LCOR: variants seen among roughly 807,000 people sequenced by gnomAD.
The protein encoded by LCOR is ligand-dependent corepressor.
Under a neutral mutation model 64.4 loss-of-function variants are expected in LCOR, and 14 were observed. That is an observed-to-expected ratio of 0.22 (90% CI 0.14 to 0.34). The LOEUF is 0.34. Ranked by LOEUF, LCOR falls within the 10% of genes least tolerant of loss-of-function variation. The pLI, the probability that LCOR is intolerant of heterozygous loss-of-function variation, is 1.00. For missense variants in LCOR, 1,686 were observed against 1,765.3 expected, an observed-to-expected ratio of 0.96 and a Z score of 0.80; for synonymous variants, 643 against 642.5, an observed-to-expected ratio of 1.00 and a Z score of -0.01.
At chr10:96,896,989 T>A (rs1846548052) in intron 2 of LCOR, among the ~76,000 whole-genome samples, 2 of 150,152 alleles carry the variant, frequency 1.3e-5, no homozygotes, top group African/African-American at 4.9e-5. Flanking sequence ...TTACCTAAAG[T>A]GAAGGAAATC....
At chr10:96,851,878 A>G (rs1589605466) in intron 2 of LCOR, among the ~76,000 whole-genome samples, 1 of 152,178 alleles carries the variant, frequency 6.6e-6, no homozygotes, top group Admixed American at 6.5e-5. Context: ...TACCCCAAAC[A>G]CATTATTTTC....
At chr10:96,957,139 A>G in intron 7 of LCOR, 1 of 985,010 alleles carries the variant, frequency 1.0e-6, no homozygotes, top group Non-Finnish European at 1.2e-6. Flanking sequence ...TCCAAATACT[A>G]GTAGAAGGGG....
chr10:96,852,282 T>A lies in LCOR; in HGVS notation c.-330+18803T>A, dbSNP rs558794643. On this transcript the variant is annotated intron_variant, in intron 2 of 7. Coordinates refer to ENST00000421806, the MANE Select transcript of LCOR (RefSeq NM_001346516.2). ...AAATTTTTAAAAGAAATTAGCCCAGTCTGGTGGCGCATGCCTGTAGTCCCA... is the reference window on the plus strand; with the variant it reads ...AAATTTTTAAAAGAAATTAGCCCAGACTGGTGGCGCATGCCTGTAGTCCCA... Among the ~76,000 whole-genome samples the A allele has an allele frequency of 8.6e-5, 13 of 152,002 alleles. No homozygotes were observed. In the South Asian group the frequency reaches 2.7e-3, roughly 32 times the overall value.
At chr10:96,912,763 C>T (rs987645587) in intron 4 of LCOR, among the ~76,000 whole-genome samples, 6 of 151,912 alleles carry the variant, frequency 3.9e-5, no homozygotes, top group African/African-American at 7.3e-5. Context: ...ATTTTAGCAT[C>T]CATTGATGAA....
chr10:96,981,717 C>T lies in LCOR; in HGVS notation c.1257C>T (p.Ser419=). ...HPSDKGQFDH[S]KDGWLGPGPM... ...GTGATAAGGGCCAGTTTGATCATTC[C>T]AAAGATGGTTGGTTAGGCCCCGGCC... The change falls in exon 8 of 8, where the codon TCC becomes TCT. Residue 419 remains serine, a synonymous_variant. Transcript: ENST00000421806. 21 of 1,614,154 alleles carry T rather than the reference C, an allele frequency of 1.3e-5. No individual in the cohort carries two copies. Among genetic ancestry groups the T allele is most frequent in the Non-Finnish European group, 1.8e-5 (21 of 1,180,030 alleles).
At chr10:96,841,361 A>C (rs1395832711) in intron 2 of LCOR, among the ~76,000 whole-genome samples, 2 of 134,396 alleles carry the variant, frequency 1.5e-5, no homozygotes, top group Admixed American at 7.2e-5. Context: ...GAAAACTTAC[A>C]CTTTTTTTTT....
chr10:96,905,553 T>C (rs1564621259), intron 2 of LCOR, among the ~76,000 whole-genome samples: 1 of 152,166 alleles, frequency 6.6e-6, no homozygotes, highest in African/African-American at 2.4e-5. Context: ...AAATAGGCAG[T>C]ATCTAGCATT....
intron 4 of LCOR, among the ~76,000 whole-genome samples, chr10:96,932,198 AAATC>A (rs1356899737): frequency 6.6e-6 from 1 of 152,206 alleles, no homozygotes; most frequent in Non-Finnish European, 1.5e-5. Context: ...TTTGAAAAAT[AAATC>A]AATAAATGAA....
intron 5 of LCOR, among the ~76,000 whole-genome samples, chr10:96,946,825 C>G (rs1168714746): frequency 6.6e-6 from 1 of 152,088 alleles, no homozygotes; most frequent in African/African-American, 2.4e-5. Flanking sequence ...ATCTTTGACT[C>G]TTCACAGAGC....
rs777126055 is a variant in LCOR at position 96,993,251 on chromosome 10, G to GA, written c.*8119dup. The GA allele has an allele frequency of 3.9e-5, 6 of 152,310 alleles. 1 individual carries two copies. In the Middle Eastern group the frequency reaches 0.01, roughly 259 times the overall value. 9.4% of individuals were successfully genotyped at this position (152,310 alleles called of 1,614,324 possible). A position where few individuals can be genotyped will look rare whatever the true frequency, so the allele number is the denominator to read the frequency against. ...CACGCAGGGGTTTTGTCATCCATTT[G>GA]AACCATAATTTGCATATTTTCTTAC... On this transcript the variant is annotated 3_prime_UTR_variant, in exon 8 of 8. Coordinates refer to ENST00000421806, the MANE Select transcript of LCOR (RefSeq NM_001346516.2).
chr10:96,881,975 T>C (rs1448300419), intron 2 of LCOR, among the ~76,000 whole-genome samples: 1 of 152,248 alleles, frequency 6.6e-6, no homozygotes, highest in Non-Finnish European at 1.5e-5. Context: ...TCTGTCTTCT[T>C]CTAGCTTCCT....
intron 2 of LCOR, among the ~76,000 whole-genome samples, chr10:96,843,969 T>G (rs766433120): frequency 6.6e-6 from 1 of 152,202 alleles, no homozygotes; most frequent in Non-Finnish European, 1.5e-5. Context: ...AACATCTGTT[T>G]TACAGGCGGG....
chr10:96,891,209 T>C (rs1846433425), intron 2 of LCOR, among the ~76,000 whole-genome samples: 1 of 152,106 alleles, frequency 6.6e-6, no homozygotes, highest in Non-Finnish European at 1.5e-5. Context: ...TTGTTATAGG[T>C]CTTTTCAGTT....
chr10:96,958,623 T>C (rs1847821405), intron 7 of LCOR: 1 of 594,322 alleles, frequency 1.7e-6, no homozygotes, highest in African/African-American at 1.9e-5. Context: ...GACCTGAAGA[T>C]TGTAATATTC....
At chr10:96,954,893 C>G in intron 7 of LCOR, 2 of 1,394,270 alleles carry the variant, frequency 1.4e-6, no homozygotes, top group Non-Finnish European at 2.0e-6. Context: ...GTGGTCCCCT[C>G]ACCCATCCCT....
In LCOR at chr10:96,958,633, C is replaced by G. The variant is rs1589683417; in HGVS notation, c.332+6437C>G. The G allele has an allele frequency of 3.1e-5, 18 of 581,256 alleles. 1 individual carries two copies. The East Asian group carries it at 5.0e-4, about 16-fold the overall frequency. The allele number at this position is 581,256 out of a possible 1,614,324, so 36.0% of individuals were successfully genotyped here. On this transcript the variant is annotated intron_variant, in intron 7 of 7. Transcript: ENST00000421806. ...CCTGAGACCTGAAGATTGTAATATTCATGTCTGTGAAGCTTTTAAACATTA... is the reference window on the plus strand; with the variant it reads ...CCTGAGACCTGAAGATTGTAATATTGATGTCTGTGAAGCTTTTAAACATTA...
intron 4 of LCOR, among the ~76,000 whole-genome samples, chr10:96,911,689 A>G (rs557093045): frequency 5.3e-4 from 81 of 152,278 alleles, no homozygotes; most frequent in African/African-American, 1.7e-3. Context: ...AATTCTAGCT[A>G]TGTTAGGAAT....
chr10:96,920,587 T>C (rs1847044942), intron 4 of LCOR, among the ~76,000 whole-genome samples: 1 of 147,726 alleles, frequency 6.8e-6, no homozygotes, highest in Non-Finnish European at 1.5e-5. Flanking sequence ...CATATATATG[T>C]GTATATATGT....
rs1845620032 is a variant in LCOR, at chr10:96,845,801, A to G, written c.-330+12322A>G. Among the ~76,000 whole-genome samples the G allele has an allele frequency of 2.0e-5, 3 of 151,966 alleles. No homozygotes were observed. In the South Asian group the frequency reaches 6.2e-4, roughly 32 times the overall value. On this transcript the variant is annotated intron_variant, in intron 2 of 7. Transcript: ENST00000421806. ...TTATCTGATTACAGTAAAATACTGT[A>G]ATTATGGGTGAGCATCAAGAAGTCC...
Sources: gnomAD v4.1 joint callset for allele counts (sites outside exome capture counted in the v4.1 genomes callset) on GRCh38, gnomAD v4.1.1 for gene constraint, MANE v1.5 for transcripts, NCBI Gene and HGNC (gene_info 2026-07-23, HGNC 2026-07-21) for gene names.